Variants in SPDL1 observed in about 807,000 individuals in gnomAD.
SPDL1 encodes the protein spindle apparatus coiled-coil protein 1.
Under a neutral mutation model 79.5 loss-of-function variants are expected in SPDL1, and 85 were observed. That is an observed-to-expected ratio of 1.07 (90% confidence interval 0.90 to 1.28). The LOEUF (loss-of-function observed/expected upper bound fraction) is 1.28. Among genes scored for constraint, SPDL1 ranks in the 50% most tolerant of loss-of-function variants. The pLI is 0.00. For synonymous variants in SPDL1, 269 were observed against 240.3 expected, an observed-to-expected ratio of 1.12 and a Z score of -1.10; for missense variants, 703 against 697.8, an observed-to-expected ratio of 1.01 and a Z score of -0.08.
intron 2 of SPDL1, among the ~76,000 whole-genome samples, chr5:169,589,670 T>C (rs970968075): frequency 1.3e-5 from 2 of 151,976 alleles, no homozygotes; most frequent in South Asian, 2.1e-4. Flanking sequence ...TACTATGTAA[T>C]GTAAAGTTGC....
intron 11 of SPDL1, among the ~76,000 whole-genome samples, chr5:169,602,277 A>G (rs963535481): frequency 5.3e-5 from 8 of 152,208 alleles, no homozygotes. Context: ...AGGTAAGAGA[A>G]AGTGAATGGA....
At chr5:169,597,279 CAT>C (rs1755636813) in intron 8 of SPDL1, among the ~76,000 whole-genome samples, 1 of 151,158 alleles carries the variant, frequency 6.6e-6, no homozygotes, top group Non-Finnish European at 1.5e-5. Context: ...AGAATTCACC[CAT>C]GTTTTCTAAA....
Position 169,591,056 on chromosome 5 carries a change from A to G in SPDL1, c.168A>G (p.Glu56=). The stretch of plus-strand genomic sequence containing the variant: ...ATTGAATCTGTTTTCAGAGTTATGA[A>G]CAAGAAAAATATACCCTTCAAAGAG... The part of the protein sequence containing the change: ...NEMMTMTESY[E]QEKYTLQREV... The change falls in exon 3 of 12, where the codon GAA becomes GAG. Residue 56 remains glutamate, a synonymous_variant. Transcript: ENST00000265295. 6.2e-7 allele frequency: 1 copy of G among 1,612,014 alleles called. No homozygotes were observed. Among genetic ancestry groups the G allele is most frequent in the Admixed American group, 1.7e-5 (1 of 59,588 alleles).
At chr5:169,590,775 GT>G (rs1295108782) in intron 2 of SPDL1, 1 of 507,736 alleles carries the variant, frequency 2.0e-6, no homozygotes. Context: ...GACTTGACGT[GT>G]TGACATACCA....
At chr5:169,595,794 A>G (rs1755554295) in intron 7 of SPDL1, 1 of 152,220 alleles carries the variant, frequency 6.6e-6, no homozygotes, top group Admixed American at 6.5e-5. Flanking sequence ...TCTTAGGCTA[A>G]GTGGGCCTAG....
At chr5:169,584,902 C>T (rs190940626) in intron 1 of SPDL1, among the ~76,000 whole-genome samples, 2,750 of 150,244 alleles carry the variant, frequency 0.018, 35 homozygotes, top group Middle Eastern at 0.034. Flanking sequence ...CCCAGCTACT[C>T]GGGAGGCTGA....
chr5:169,602,157 T>G, intron 11 of SPDL1: 1 of 168,904 alleles, frequency 5.9e-6, no homozygotes, highest in Non-Finnish European at 1.3e-5. Flanking sequence ...TGAAAGCCTC[T>G]AGTTTCTGCA....
At chr5:169,588,285 A>G (rs962283967) in intron 1 of SPDL1, 109 bp from the exon 2 acceptor site, 4 of 703,082 alleles carry the variant, frequency 5.7e-6, no homozygotes, top group Non-Finnish European at 2.2e-6. Flanking sequence ...GAAAATTTTA[A>G]TGTTTTTATA....
At chr5:169,596,370 A>G (rs1732206763) in intron 7 of SPDL1, among the ~76,000 whole-genome samples, 191 bp from the exon 8 acceptor site, 1 of 152,320 alleles carries the variant, frequency 6.6e-6, no homozygotes, top group East Asian at 1.9e-4. Flanking sequence ...GTTATCATTC[A>G]TAAGTAGTCA....
intron 10 of SPDL1, among the ~76,000 whole-genome samples, chr5:169,600,452 A>G (rs1051404735): frequency 1.3e-5 from 2 of 152,218 alleles, no homozygotes; most frequent in African/African-American, 4.8e-5. Context: ...GCAGTGCCAG[A>G]AAAAGGGGAA....
In SPDL1 at chr5:169,599,882, C is replaced by A. The variant is rs369074437; in HGVS notation, c.1324+723C>A. Among the ~76,000 whole-genome samples, 7 of 152,170 alleles carry A rather than the reference C, an allele frequency of 4.6e-5. No individual in the cohort carries two copies. The East Asian group carries it at 9.7e-4, about 21-fold the overall frequency. On this transcript the variant is annotated intron_variant, in intron 10 of 11. Transcript: ENST00000265295. ...GCTGTGCCCAGGAATTTGAGATTTG[C>A]TTGGGCAATATAGCAAGACCCCATT... is the stretch of plus-strand genomic sequence containing the variant.
intron 9 of SPDL1, 83 bp downstream of exon 9, chr5:169,598,662 A>G (rs1755724119): frequency 1.6e-6 from 2 of 1,222,072 alleles, no homozygotes; most frequent in Non-Finnish European, 2.4e-6. Flanking sequence ...AGTTTTTTTG[A>G]AATTGCCAAA....
intron 11 of SPDL1, chr5:169,602,154 CT>C: frequency 5.9e-6 from 1 of 169,246 alleles, no homozygotes; most frequent in Non-Finnish European, 1.3e-5. Flanking sequence ...ACTTGAAAGC[CT>C]CTAGTTTCTG....
chr5:169,594,508 C>T lies in SPDL1; in HGVS notation c.780+16C>T. 1 of 1,612,168 alleles carries T rather than the reference C, an allele frequency of 6.2e-7. No individual in the cohort carries two copies. Among genetic ancestry groups the T allele is most frequent in the Non-Finnish European group, 8.5e-7 (1 of 1,178,298 alleles). ...GTTTGCAGAGGTACTTATAAGTATC[C>T]TAACTACTAAATTGGTATTTTCATT... On this transcript the variant is annotated intron_variant, in intron 6 of 11. Coordinates refer to ENST00000265295, the MANE Select transcript of SPDL1 (RefSeq NM_017785.5).
intron 2 of SPDL1, 74 bp downstream of exon 2, chr5:169,588,649 G>A: frequency 1.5e-6 from 2 of 1,322,442 alleles, no homozygotes; most frequent in Non-Finnish European, 2.0e-6. Context: ...GCAATTAATA[G>A]TAGTAGTAGT....
In SPDL1 at chr5:169,594,643, C is replaced by T; in HGVS notation, c.853C>T (p.Gln285Ter). Residue 285 changes from glutamine (Q) to a stop codon, truncating the protein, a stop_gained, in exon 7 of 12, where the codon CAA becomes TAA. Coordinates refer to ENST00000265295, the MANE Select transcript of SPDL1 (RefSeq NM_017785.5). LOFTEE classifies it high-confidence loss of function. ...MKVKYQSLKKQNVFNREQMQR... is the reference protein window; with the variant it reads ...MKVKYQSLKK ...AGTCAAGTATCAGTCACTAAAGAAG[C>T]AAAATGTATTTAACAGAGAACAGAT... 6.2e-7 allele frequency: 1 copy of T among 1,613,648 alleles called. No individual in the cohort carries two copies. Among genetic ancestry groups the T allele is most frequent in the Non-Finnish European group, 8.5e-7 (1 of 1,179,596 alleles).
At chr5:169,600,199 C>A (rs1297414697) in intron 10 of SPDL1, among the ~76,000 whole-genome samples, 1 of 152,168 alleles carries the variant, frequency 6.6e-6, no homozygotes, top group Non-Finnish European at 1.5e-5. Context: ...AGTCTCTCTT[C>A]GTATTGTCTC....
Position 169,599,063 on chromosome 5 carries a change from C to CT in SPDL1, c.1233dup (p.Ala412CysfsTer3). The stretch of plus-strand genomic sequence containing the variant: ...GCGGGCTCTAGATATTGAGCGAAAA[C>CT]TTTTTGCAAATGAAAGATGCCTCCA... On this transcript the variant is annotated frameshift_variant, in exon 10 of 12. Coordinates refer to ENST00000265295, the MANE Select transcript of SPDL1 (RefSeq NM_017785.5). LOFTEE classifies it high-confidence loss of function. 6.2e-7 allele frequency: 1 copy of CT among 1,602,478 alleles called. No individual in the cohort carries two copies. Among genetic ancestry groups the CT allele is most frequent in the South Asian group, 1.1e-5 (1 of 90,056 alleles).
Position 169,588,434 on chromosome 5 carries a change from C to G in SPDL1, c.18C>G (p.Ile6Met), listed in dbSNP as rs757232542. The G allele has an allele frequency of 2.8e-5, 45 of 1,609,882 alleles. No homozygotes were observed. The highest frequency in any genetic ancestry group is 3.8e-5 in the Non-Finnish European group (45 of 1,178,628). MEADI[I>M]TNLRCRLKEA... ...AAAAGAACATGGAGGCAGATATAAT[C>G]ACAAATCTTCGATGCAGGCTCAAAG... The change falls in exon 2 of 12, where the codon ATC becomes ATG. Residue 6 changes from isoleucine (I) to methionine (M), a missense_variant. Transcript: ENST00000265295.
Sources: gnomAD v4.1 joint callset for allele counts (sites outside exome capture counted in the v4.1 genomes callset) on GRCh38, gnomAD v4.1.1 for gene constraint, MANE v1.5 for transcripts, NCBI Gene and HGNC (gene_info 2026-07-23, HGNC 2026-07-21) for gene names.